Variants in GATAD2B observed in about 807,000 individuals in gnomAD.
GATAD2B encodes GATA zinc finger domain containing 2B, also known as transcriptional repressor p66-beta.
In GATAD2B, 8 loss-of-function variants were observed where a neutral mutation model predicts 64.3. That is an observed-to-expected ratio of 0.12 (90% CI 0.07 to 0.22). GATAD2B has a LOEUF of 0.22. GATAD2B is among the 10% of genes least tolerant of loss of function. The probability of loss-of-function intolerance (pLI) is 1.00; values close to 1 mark genes in which losing one functional copy is unlikely to be tolerated. For synonymous variants in GATAD2B, 281 were observed against 271.3 expected (o/e 1.04, Z -0.35); for missense variants, 453 against 752.0 (o/e 0.60, Z 4.65).
rs1157823275 is a variant in GATAD2B, at chr1:153,818,109, C to A, written c.660G>T (p.Gln220His). ...VQPSPAHVGQ[Q>H]GLSKLPSRPG... ...GCCGAGAGGGAAGCTTAGATAGGCC[C>A]TGCTGTCCCACATGGGCAGGAGATG... The change falls in exon 5 of 11, where the codon CAG (glutamine) becomes CAT (histidine). Residue 220 changes from glutamine to histidine, a missense_variant. Gln to His is a conservative substitution (Grantham distance 24). Coordinates refer to ENST00000368655, the MANE Select transcript of GATAD2B (RefSeq NM_020699.4). The A allele has an allele frequency of 2.5e-6, 4 of 1,613,214 alleles. No homozygotes were observed. Among genetic ancestry groups the A allele is most frequent in the Non-Finnish European group, 3.4e-6 (4 of 1,179,460 alleles).
At chr1:153,836,687 T>C (rs2101898056) in intron 1 of GATAD2B, among the ~76,000 whole-genome samples, 1 of 152,208 alleles carries the variant, frequency 6.6e-6, no homozygotes, top group East Asian at 1.9e-4. Flanking sequence ...GTCTCTTAAG[T>C]ACACATAGCA....
intron 1 of GATAD2B, among the ~76,000 whole-genome samples, chr1:153,858,738 G>C (rs1182679549): frequency 6.6e-6 from 1 of 151,984 alleles, no homozygotes; most frequent in Non-Finnish European, 1.5e-5. Context: ...CTCCAAAAAA[G>C]AAAAGAGAAA....
chr1:153,813,504 T>C (rs1227023723), intron 7 of GATAD2B, 52 bp from the exon 8 acceptor site: 1 of 1,222,010 alleles, frequency 8.2e-7, no homozygotes, highest in African/African-American at 1.5e-5. Context: ...TCTCCTCTGT[T>C]TCTCTTAATC....
Position 153,816,255 on chromosome 1 carries a change from T to A in GATAD2B, c.1216+18A>T, listed in dbSNP as rs770947160. ...CAACCACTTGCTTAAATAGATTGAT[T>A]AGAAGAAACAGCCTTACCTTGGCTG... On this transcript the variant is annotated intron_variant, in intron 7 of 10. Coordinates refer to ENST00000368655, the MANE Select transcript of GATAD2B (RefSeq NM_020699.4). This position sits in a 1 kb window ranked among gnomAD's most constrained non-coding sequence, Gnocchi z 4.9. 1 of 1,564,996 alleles carries A rather than the reference T, an allele frequency of 6.4e-7. No homozygotes were observed. Among genetic ancestry groups the A allele is most frequent in the Non-Finnish European group, 8.8e-7 (1 of 1,137,246 alleles).
At chr1:153,878,611 C>T (rs1353215412) in intron 1 of GATAD2B, among the ~76,000 whole-genome samples, 1 of 152,016 alleles carries the variant, frequency 6.6e-6, no homozygotes, top group Non-Finnish European at 1.5e-5. Flanking sequence ...TAAGGAATTT[C>T]CTCTAGACTG....
rs1457741557 is a variant in GATAD2B at position 153,875,683 on chromosome 1, G to GGA, written c.-2+47049_-2+47050insTC. Among the ~76,000 whole-genome samples, 239 of 78,422 alleles carry GGA rather than the reference G, an allele frequency of 3.0e-3. 5 individuals are homozygous for GGA. Among genetic ancestry groups the GGA allele is most frequent in the African/African-American group, 8.9e-3 (184 of 20,690 alleles). 51.4% of individuals were successfully genotyped at this position (78,422 alleles called of 152,430 possible). ...AATAGACCTACCACGAGTTTGGAGG[G>GGA]AAAAAAAAAAAAAAAAAAAAAAGGT... On this transcript the variant is annotated intron_variant, in intron 1 of 10. Coordinates refer to ENST00000368655, the MANE Select transcript of GATAD2B (RefSeq NM_020699.4).
At chr1:153,903,217 CA>C (rs1335057322) in intron 1 of GATAD2B, among the ~76,000 whole-genome samples, 168 of 125,112 alleles carry the variant, frequency 1.3e-3, no homozygotes, top group Middle Eastern at 4.2e-3. Context: ...GACTCCATCT[CA>C]AAAAAAAAAA....
At chr1:153,915,425 A>AAAAT (rs1251938602) in intron 1 of GATAD2B, among the ~76,000 whole-genome samples, 1 of 152,136 alleles carries the variant, frequency 6.6e-6, no homozygotes, top group East Asian at 1.9e-4. Flanking sequence ...TCTATCCCAA[A>AAAAT]AAATAAATAA....
intron 1 of GATAD2B, among the ~76,000 whole-genome samples, chr1:153,915,316 A>G (rs1678229018): frequency 6.6e-6 from 1 of 152,164 alleles, no homozygotes; most frequent in Admixed American, 6.6e-5. Context: ...CCAGCTACTC[A>G]GGAGGCTGCG....
intron 1 of GATAD2B, among the ~76,000 whole-genome samples, chr1:153,889,273 G>C (rs755301966): frequency 2.0e-5 from 3 of 151,716 alleles, no homozygotes; most frequent in Non-Finnish European, 2.9e-5. Flanking sequence ...TTAGCAGGGC[G>C]TGGTGGCACA....
intron 1 of GATAD2B, among the ~76,000 whole-genome samples, chr1:153,848,615 G>A (rs886845676): frequency 2.0e-5 from 3 of 152,128 alleles, no homozygotes; most frequent in East Asian, 1.9e-4. Flanking sequence ...ATTCTCCTCC[G>A]AAACTCTCTT....
chr1:153,922,491 G>A (rs1370013286), intron 1 of GATAD2B, among the ~76,000 whole-genome samples: 3 of 148,304 alleles, frequency 2.0e-5, no homozygotes, highest in African/African-American at 7.4e-5. Context: ...AGGGGGGAGA[G>A]GATGAGGTGA....
intron 2 of GATAD2B, among the ~76,000 whole-genome samples, chr1:153,822,426 T>C (rs1674712853): frequency 6.6e-6 from 1 of 152,200 alleles, no homozygotes; most frequent in Admixed American, 6.5e-5. Context: ...GGAAGTTATA[T>C]CTGAGAACAA....
At chr1:153,842,409 A>G (rs1675528688) in intron 1 of GATAD2B, among the ~76,000 whole-genome samples, 1 of 152,116 alleles carries the variant, frequency 6.6e-6, no homozygotes, top group Non-Finnish European at 1.5e-5. Flanking sequence ...ATTTTTAGTG[A>G]GACAAAACAT....
intron 2 of GATAD2B, chr1:153,827,504 A>C (rs1674927435): frequency 6.3e-6 from 1 of 157,996 alleles, no homozygotes. Context: ...ATGTATATGT[A>C]TATGGGGGAG....
intron 1 of GATAD2B, among the ~76,000 whole-genome samples, chr1:153,901,320 C>T (rs959874781): frequency 6.6e-6 from 1 of 152,080 alleles, no homozygotes; most frequent in East Asian, 1.9e-4. Context: ...CACTGCACTT[C>T]AGCCTGGGTG....
intron 1 of GATAD2B, among the ~76,000 whole-genome samples, chr1:153,878,322 T>A (rs947952585): frequency 6.6e-6 from 1 of 151,862 alleles, no homozygotes; most frequent in Non-Finnish European, 1.5e-5. Flanking sequence ...AAAGATGGAA[T>A]CTCCCTATGT....
chr1:153,846,714 C>T (rs1675701794), intron 1 of GATAD2B, among the ~76,000 whole-genome samples: 1 of 151,900 alleles, frequency 6.6e-6, no homozygotes, highest in Non-Finnish European at 1.5e-5. Context: ...GCATCCGCCA[C>T]CACTCCTGGC....
At chr1:153,815,303 A>AAAAAAAAAAAAG (rs1557780311) in intron 7 of GATAD2B, among the ~76,000 whole-genome samples, 6 of 148,806 alleles carry the variant, frequency 4.0e-5, no homozygotes, top group African/African-American at 9.9e-5. Context: ...CAAAAAAAAA[A>AAAAAAAAAAAAG]AAAAGAAAAG....
Sources: gnomAD v4.1 joint callset for allele counts (sites outside exome capture counted in the v4.1 genomes callset) on GRCh38, gnomAD v4.1.1 for gene constraint, Gnocchi (gnomAD v3.1) non-coding constraint, MANE v1.5 for transcripts, NCBI Gene and HGNC (gene_info 2026-07-23, HGNC 2026-07-21) for gene names.